Variants in PRIM2 observed in about 807,000 individuals in gnomAD.
PRIM2 encodes DNA primase subunit 2.
Under a neutral mutation model 67.3 loss-of-function variants are expected in PRIM2, and 39 were observed. That is an observed-to-expected ratio of 0.58 (90% CI 0.45 to 0.76). The LOEUF (loss-of-function observed/expected upper bound fraction) is 0.76. Ranked by LOEUF, PRIM2 falls within the 30% of genes least tolerant of loss-of-function variation. The pLI is 0.00. For synonymous variants in PRIM2, 143 were observed against 198.7 expected (o/e 0.72, Z 2.36); for missense variants, 398 against 598.7 (o/e 0.66, Z 3.50).
At chr6:57,563,708 C>T (rs1775683343) in intron 10 of PRIM2, among the ~76,000 whole-genome samples, 1 of 152,190 alleles carries the variant, frequency 6.6e-6, no homozygotes, top group Non-Finnish European at 1.5e-5. Context: ...GTGGTGCGAT[C>T]TTCGCTCACT....
intron 7 of PRIM2, among the ~76,000 whole-genome samples, chr6:57,410,458 C>T (rs1771051810): frequency 6.6e-6 from 1 of 151,632 alleles, no homozygotes; most frequent in Non-Finnish European, 1.5e-5. Flanking sequence ...TTTTCTGTTC[C>T]ATTGATATAA....
intron 7 of PRIM2, among the ~76,000 whole-genome samples, chr6:57,434,681 A>G (rs185007921): frequency 6.6e-6 from 1 of 152,168 alleles, no homozygotes; most frequent in African/African-American, 2.4e-5. Context: ...GCCTTCTGCC[A>G]TTTAACTATC....
the PRIM2 span, among the ~76,000 whole-genome samples, chr6:57,248,320 C>G: frequency 7.9e-5 from 12 of 152,118 alleles, no homozygotes; most frequent in Non-Finnish European, 1.2e-4. Flanking sequence ...ATTAACTTAC[C>G]TAATTGTCTT....
chr6:57,638,844 T>C (rs1417035613), intron 13 of PRIM2, among the ~76,000 whole-genome samples: 1 of 151,830 alleles, frequency 6.6e-6, no homozygotes, highest in African/African-American at 2.4e-5. Flanking sequence ...CAATATTAGA[T>C]CAACGAGACA....
At chr6:57,568,665 A>G (rs1775796804) in intron 10 of PRIM2, among the ~76,000 whole-genome samples, 1 of 152,234 alleles carries the variant, frequency 6.6e-6, no homozygotes, top group African/African-American at 2.4e-5. Flanking sequence ...TATTCTTACA[A>G]AGATATTAAG....
chr6:57,265,569 T>C, the PRIM2 span, among the ~76,000 whole-genome samples: 10 of 152,356 alleles, frequency 6.6e-5, no homozygotes, highest in South Asian at 2.1e-3. Flanking sequence ...ATGTAGACTT[T>C]GACAATTCTA....
intron 8 of PRIM2, among the ~76,000 whole-genome samples, chr6:57,530,254 T>A (rs1774857834): frequency 1.3e-5 from 2 of 152,190 alleles, no homozygotes; most frequent in South Asian, 4.1e-4. Context: ...CATAGCAAAT[T>A]CAACTAAGAG....
the PRIM2 span, among the ~76,000 whole-genome samples, chr6:57,246,832 C>T: frequency 6.6e-6 from 1 of 151,532 alleles, no homozygotes; most frequent in African/African-American, 2.4e-5. Flanking sequence ...CTTCCTGTAC[C>T]AGATGATCTC....
intron 9 of PRIM2, among the ~76,000 whole-genome samples, chr6:57,534,185 G>T (rs1471256556): frequency 6.6e-6 from 1 of 152,090 alleles, no homozygotes; most frequent in East Asian, 1.9e-4. Context: ...TCATATATAG[G>T]TATGCGGTGA....
At chr6:57,491,284 C>T (rs1554345942) in intron 7 of PRIM2, among the ~76,000 whole-genome samples, 50 of 152,100 alleles carry the variant, frequency 3.3e-4, no homozygotes, top group Non-Finnish European at 6.5e-4. Flanking sequence ...ATATTTGAGG[C>T]GAGGGAAATC....
chr6:57,398,898 A>G (rs1047952420), intron 7 of PRIM2, among the ~76,000 whole-genome samples: 4 of 152,000 alleles, frequency 2.6e-5, no homozygotes, highest in Non-Finnish European at 5.9e-5. Flanking sequence ...CCGTTATGAA[A>G]TGCCCTTTTT....
chr6:57,602,018 C>T (rs1160780150), intron 11 of PRIM2, among the ~76,000 whole-genome samples: 6 of 151,190 alleles, frequency 4.0e-5, no homozygotes, highest in African/African-American at 1.5e-4. Flanking sequence ...CAGCACTCGT[C>T]ATATAGATAG....
chr6:57,481,036 A>G (rs1288935789), intron 7 of PRIM2, among the ~76,000 whole-genome samples: 2 of 152,256 alleles, frequency 1.3e-5, no homozygotes, highest in Non-Finnish European at 2.9e-5. Context: ...TTGCAAATGT[A>G]GTACAGAGAG....
At chr6:57,223,648 G>A in the PRIM2 span, among the ~76,000 whole-genome samples, 1 of 152,052 alleles carries the variant, frequency 6.6e-6, no homozygotes, top group African/African-American at 2.4e-5. Context: ...CAATTAAAAA[G>A]TTGGCAAATG....
chr6:57,626,041 A>C (rs1420366432), intron 12 of PRIM2, among the ~76,000 whole-genome samples: 2 of 152,242 alleles, frequency 1.3e-5, no homozygotes, highest in Non-Finnish European at 2.9e-5. Flanking sequence ...TTTTTTAGGA[A>C]GAAGCAAGCT....
chr6:57,636,183 A>G (rs1210894552), intron 13 of PRIM2, among the ~76,000 whole-genome samples: 1 of 152,226 alleles, frequency 6.6e-6, no homozygotes, highest in Non-Finnish European at 1.5e-5. Flanking sequence ...ATAGTAACCA[A>G]AAAAGAAAAC....
intron 7 of PRIM2, among the ~76,000 whole-genome samples, chr6:57,409,995 T>C (rs1416754714): frequency 6.6e-6 from 1 of 152,128 alleles, no homozygotes; most frequent in Non-Finnish European, 1.5e-5. Context: ...TTTTTCCTTG[T>C]TGGTTTCCTT....
intron 8 of PRIM2, among the ~76,000 whole-genome samples, chr6:57,509,857 T>C (rs1393616874): frequency 6.7e-6 from 1 of 149,082 alleles, no homozygotes; most frequent in Admixed American, 6.7e-5. Context: ...TTTAAAACAT[T>C]TTAAATATAT....
At chr6:57,246,889 C>G in the PRIM2 span, among the ~76,000 whole-genome samples, 1 of 149,212 alleles carries the variant, frequency 6.7e-6, no homozygotes, top group Admixed American at 6.7e-5. Context: ...GAGTCTCACT[C>G]TGTCGCCCAG....
Sources: allele counts gnomAD v4.1 joint callset (sites outside exome capture counted in the v4.1 genomes callset), GRCh38; gene constraint gnomAD v4.1.1; transcripts MANE v1.5; gene names NCBI Gene and HGNC (gene_info 2026-07-23, HGNC 2026-07-21).